Variants in LIN52 observed in about 807,000 individuals in gnomAD.
The protein encoded by LIN52 is lin-52 DREAM MuvB core complex component.
In LIN52, 4 loss-of-function variants were observed where a neutral mutation model predicts 18.5. The observed-to-expected ratio is 0.22, with a 90% CI of 0.11 to 0.49. The LOEUF (loss-of-function observed/expected upper bound fraction) is 0.49. Among genes scored for constraint, LIN52 ranks in the 20% least tolerant of loss-of-function variants. The pLI is 0.97. For synonymous variants in LIN52, 34 were observed against 45.5 expected (o/e 0.75, Z 1.02); for missense variants, 102 against 139.5 (o/e 0.73, Z 1.35).
chr14:74,116,871 A>G (rs2060968676), intron 5 of LIN52, among the ~76,000 whole-genome samples: 1 of 151,684 alleles, frequency 6.6e-6, no homozygotes, highest in Non-Finnish European at 1.5e-5. Flanking sequence ...ACATAGACAA[A>G]TGGCTGGAAG....
chr14:74,143,777 T>A (rs2061142745), intron 5 of LIN52, among the ~76,000 whole-genome samples: 1 of 152,192 alleles, frequency 6.6e-6, no homozygotes, highest in Admixed American at 6.5e-5. Flanking sequence ...ATTATTTCTT[T>A]GTGGTGAGAA....
intron 5 of LIN52, among the ~76,000 whole-genome samples, chr14:74,140,364 G>A (rs1389996503): frequency 6.6e-6 from 1 of 152,138 alleles, no homozygotes; most frequent in Non-Finnish European, 1.5e-5. Context: ...GTCTTGGAAA[G>A]AGTCTGTTTA....
At chr14:74,112,542 A>G (rs1196926997) in intron 5 of LIN52, among the ~76,000 whole-genome samples, 2 of 152,182 alleles carry the variant, frequency 1.3e-5, no homozygotes, top group African/African-American at 2.4e-5. Flanking sequence ...CTTATCTTGT[A>G]TCCTTGGACT....
intron 5 of LIN52, among the ~76,000 whole-genome samples, chr14:74,129,412 G>A (rs62005153): frequency 0.12 from 17,856 of 152,190 alleles, 1,154 homozygotes; most frequent in South Asian, 0.18. Context: ...ATATGGATGT[G>A]TTGGCTTTAG....
chr14:74,163,231 C>A (rs1842183376), intron 5 of LIN52, among the ~76,000 whole-genome samples: 1 of 152,140 alleles, frequency 6.6e-6, no homozygotes, highest in Non-Finnish European at 1.5e-5. Context: ...CAGGTGCACA[C>A]CACCATGCCC....
chr14:74,147,887 G>A (rs1020043187), intron 5 of LIN52, among the ~76,000 whole-genome samples: 2 of 152,146 alleles, frequency 1.3e-5, no homozygotes, highest in East Asian at 1.9e-4. Context: ...GAGATTGGTT[G>A]CACAGTGATG....
intron 2 of LIN52, among the ~76,000 whole-genome samples, chr14:74,094,920 G>A (rs982483602): frequency 1.3e-5 from 2 of 151,102 alleles, no homozygotes; most frequent in Admixed American, 1.3e-4. Context: ...TAGAGACGGG[G>A]TTTCACTGTG....
intron 5 of LIN52, chr14:74,192,517 C>T (rs534596508): frequency 6.0e-6 from 1 of 167,012 alleles, no homozygotes; most frequent in South Asian, 1.4e-4. Context: ...AACTCCTGAC[C>T]CCTCAGGTAG....
chr14:74,137,498 C>CTCTTTTTTTTTTTTT (rs776969152), intron 5 of LIN52, among the ~76,000 whole-genome samples: 5 of 111,624 alleles, frequency 4.5e-5, no homozygotes, highest in African/African-American at 1.1e-4. Flanking sequence ...CAGCAGCTCT[C>CTCTTTTTTTTTTTTT]TTTTTTTTTT....
intron 4 of LIN52, 33 bp from the exon 5 acceptor site, chr14:74,101,122 G>C (rs939330695): frequency 6.4e-7 from 1 of 1,569,884 alleles, no homozygotes; most frequent in Non-Finnish European, 8.7e-7. Context: ...AGAGTGGAAA[G>C]AAATGATGTT....
chr14:74,162,177 G>A (rs1375816371), intron 5 of LIN52, among the ~76,000 whole-genome samples: 2 of 152,020 alleles, frequency 1.3e-5, no homozygotes, highest in Non-Finnish European at 2.9e-5. Flanking sequence ...ACAGTAATTG[G>A]AAGATAACAA....
chr14:74,127,976 G>A (rs8019415), intron 5 of LIN52, among the ~76,000 whole-genome samples: 1 of 152,176 alleles, frequency 6.6e-6, no homozygotes, highest in Non-Finnish European at 1.5e-5. Context: ...TCAGTGGCAT[G>A]CAAAGAACAT....
chr14:74,103,888 TTTTC>T (rs1389603930), intron 5 of LIN52, among the ~76,000 whole-genome samples: 4 of 150,178 alleles, frequency 2.7e-5, no homozygotes, highest in African/African-American at 7.4e-5. Flanking sequence ...GTGCCTGGCT[TTTTC>T]TTTCTTTTTT....
intron 5 of LIN52, among the ~76,000 whole-genome samples, chr14:74,111,876 TTTTTTTC>T (rs758371798): frequency 6.8e-4 from 84 of 123,234 alleles, no homozygotes; most frequent in Non-Finnish European, 9.5e-4. Flanking sequence ...ATTTTTTTTC[TTTTTTTC>T]TTTTTTTTTG....
At chr14:74,164,297 G>T (rs12882530) in intron 5 of LIN52, among the ~76,000 whole-genome samples, 4 of 149,382 alleles carry the variant, frequency 2.7e-5, no homozygotes, top group African/African-American at 7.4e-5. Context: ...GTTTTTTTTT[G>T]CTTTTGAGAC....
At chr14:74,166,503 G>A (rs147452476) in intron 5 of LIN52, among the ~76,000 whole-genome samples, 4,437 of 152,258 alleles carry the variant, frequency 0.029, 218 homozygotes, top group African/African-American at 0.1. Context: ...ATGAGCCACC[G>A]CGCCCGGCCA....
chr14:74,167,952 TAGAG>T (rs1566865702), intron 5 of LIN52, among the ~76,000 whole-genome samples: 3 of 129,274 alleles, frequency 2.3e-5, no homozygotes, highest in East Asian at 4.6e-4. Flanking sequence ...AATGAGAAGT[TAGAG>T]AGAAGTTGGA....
chr14:74,111,883 CT>C (rs869141601), intron 5 of LIN52, among the ~76,000 whole-genome samples: 1 of 137,848 alleles, frequency 7.3e-6, no homozygotes. Flanking sequence ...TTCTTTTTTT[CT>C]TTTTTTTTGT....
At chr14:74,164,285 T>G (rs2061239242) in intron 5 of LIN52, among the ~76,000 whole-genome samples, 1 of 59,176 alleles carries the variant, frequency 1.7e-5, no homozygotes, top group African/African-American at 5.1e-5. Flanking sequence ...CCAGCCGTTT[T>G]TGTTTTTTTT....
Sources: allele counts gnomAD v4.1 joint callset (sites outside exome capture counted in the v4.1 genomes callset), GRCh38; gene constraint gnomAD v4.1.1; transcripts MANE v1.5; gene names NCBI Gene and HGNC (gene_info 2026-07-23, HGNC 2026-07-21).